Variants in XYLT1 observed in about 807,000 individuals in gnomAD.
XYLT1 encodes the protein xylosyltransferase 1.
In XYLT1, 36 loss-of-function variants were observed where a neutral mutation model predicts 91.3. The ratio of observed to expected loss-of-function variants is 0.39; its 90% CI spans 0.30 to 0.52. The LOEUF is 0.52. Among genes scored for constraint, XYLT1 ranks in the 20% least tolerant of loss-of-function variants. The pLI, the probability that XYLT1 is intolerant of heterozygous loss-of-function variation, is 0.68. For missense variants in XYLT1, 1,242 were observed against 1,284.5 expected, an observed-to-expected ratio of 0.97 and a Z score of 0.51; for synonymous variants, 588 against 532.0, an observed-to-expected ratio of 1.11 and a Z score of -1.45.
At chr16:17,233,832 G>A (rs370990103) in intron 3 of XYLT1, among the ~76,000 whole-genome samples, 4 of 152,280 alleles carry the variant, frequency 2.6e-5, no homozygotes, top group South Asian at 4.1e-4. Flanking sequence ...GCCCCTTGGG[G>A]TATTTTGTGA....
At chr16:17,339,834 TCTTC>T (rs1022161558) in intron 2 of XYLT1, among the ~76,000 whole-genome samples, 1 of 151,806 alleles carries the variant, frequency 6.6e-6, no homozygotes, top group Non-Finnish European at 1.5e-5. Context: ...CCTCCTTCCT[TCTTC>T]CTTCCTTCCC....
chr16:17,248,745 ATTTTTTTTTT>A lies in XYLT1; in HGVS notation c.913+10233_913+10242del, dbSNP rs1045404682. Among the ~76,000 whole-genome samples the A allele has an allele frequency of 2.4e-3, 309 of 127,022 alleles. 4 individuals carry two copies. The highest frequency in any genetic ancestry group is 9.2e-3 in the African/African-American group (302 of 32,880). The allele number at this position is 127,022 out of a possible 152,430, so 83.3% of individuals were successfully genotyped here. A position where few individuals can be genotyped will look rare whatever the true frequency, so the allele number is the denominator to read the frequency against. ...ATTGCTGTTGCAATTTTACATGTGA[ATTTTTTTTTT>A]TTTTTTTTTTGAGATGGAGTCTCGC... On this transcript the variant is annotated intron_variant, in intron 3 of 11. Transcript: ENST00000261381.
At chr16:17,417,300 G>A (rs545474544) in intron 1 of XYLT1, among the ~76,000 whole-genome samples, 1 of 152,254 alleles carries the variant, frequency 6.6e-6, no homozygotes, top group South Asian at 2.1e-4. Context: ...AGAAGCTTGG[G>A]AAATCTGGTC....
At chr16:17,180,749 T>C (rs1395893563) in intron 5 of XYLT1, among the ~76,000 whole-genome samples, 1 of 152,194 alleles carries the variant, frequency 6.6e-6, no homozygotes, top group Non-Finnish European at 1.5e-5. Flanking sequence ...CAAGACTAGA[T>C]TCCAGGTTCT....
intron 2 of XYLT1, among the ~76,000 whole-genome samples, chr16:17,352,690 A>C (rs1169963360): frequency 1.3e-5 from 2 of 152,164 alleles, no homozygotes; most frequent in Non-Finnish European, 2.9e-5. Context: ...GAGATTTTAC[A>C]ACCACCTCCA....
intron 3 of XYLT1, among the ~76,000 whole-genome samples, chr16:17,222,713 C>A (rs995108388): frequency 1.9e-4 from 29 of 151,156 alleles, no homozygotes; most frequent in African/African-American, 7.1e-4. Flanking sequence ...TCAATTGAAC[C>A]CGGGAGGCAG....
chr16:17,413,091 C>T (rs567209140), intron 1 of XYLT1, among the ~76,000 whole-genome samples: 1 of 152,376 alleles, frequency 6.6e-6, no homozygotes, highest in East Asian at 1.9e-4. Context: ...CCATTGTATG[C>T]TCAGTGCCCA....
At chr16:17,177,684 T>C (rs2031975013) in intron 5 of XYLT1, among the ~76,000 whole-genome samples, 1 of 152,148 alleles carries the variant, frequency 6.6e-6, no homozygotes. Flanking sequence ...TCTTCCTGAA[T>C]TAACATTGCA....
intron 1 of XYLT1, among the ~76,000 whole-genome samples, chr16:17,428,967 G>A (rs755182380): frequency 2.0e-5 from 3 of 152,142 alleles, no homozygotes; most frequent in Non-Finnish European, 4.4e-5. Context: ...AGGGCCATTG[G>A]GAAGCTTCCA....
At chr16:17,294,334 G>C (rs1303955907) in intron 2 of XYLT1, among the ~76,000 whole-genome samples, 1 of 152,156 alleles carries the variant, frequency 6.6e-6, no homozygotes, top group Non-Finnish European at 1.5e-5. Context: ...CTCCACATGA[G>C]GGAGAAATGA....
chr16:17,348,370 C>T (rs1313519987), intron 2 of XYLT1, among the ~76,000 whole-genome samples: 2 of 152,076 alleles, frequency 1.3e-5, no homozygotes, highest in Non-Finnish European at 2.9e-5. Context: ...TCCTGGTTTC[C>T]TTCCATGTCA....
At position 17,414,887 on chromosome 16, in the gene XYLT1, G is replaced by T. The variant is rs527916565; in HGVS notation, c.363+55547C>A. Among the ~76,000 whole-genome samples the T allele has an allele frequency of 2.0e-4, 30 of 152,240 alleles. No individual in the cohort carries two copies. In the South Asian group the frequency reaches 5.6e-3, roughly 28 times the overall value. ...AAGCGCATGAATACCCAACGGGGCC[G>T]GCATGTGGTGAGCACTGTGTGGACG... On this transcript the variant is annotated intron_variant, in intron 1 of 11. Transcript: ENST00000261381.
intron 3 of XYLT1, among the ~76,000 whole-genome samples, chr16:17,238,030 G>GT (rs1397497998): frequency 6.6e-6 from 1 of 152,196 alleles, no homozygotes; most frequent in Non-Finnish European, 1.5e-5. Context: ...GAGGGCAGTG[G>GT]TACCTGGCAC....
At chr16:17,256,541 C>A (rs915365702) in intron 3 of XYLT1, among the ~76,000 whole-genome samples, 7 of 151,694 alleles carry the variant, frequency 4.6e-5, no homozygotes, top group African/African-American at 1.7e-4. Flanking sequence ...ATCCCAGTTA[C>A]TCGGGAGGCT....
At chr16:17,375,036 C>G (rs2141877873) in intron 1 of XYLT1, among the ~76,000 whole-genome samples, 1 of 152,272 alleles carries the variant, frequency 6.6e-6, no homozygotes, top group South Asian at 2.1e-4. Flanking sequence ...ACTGGTGGCT[C>G]AACCTGCAAC....
At chr16:17,442,804 G>A (rs756883430) in intron 1 of XYLT1, among the ~76,000 whole-genome samples, 9 of 152,182 alleles carry the variant, frequency 5.9e-5, no homozygotes, top group South Asian at 2.1e-4. Flanking sequence ...AAACAAGATC[G>A]CCTTATTCCT....
intron 2 of XYLT1, among the ~76,000 whole-genome samples, chr16:17,355,700 A>C (rs971982759): frequency 1.3e-5 from 2 of 152,098 alleles, no homozygotes; most frequent in Non-Finnish European, 2.9e-5. Context: ...CAACACCATT[A>C]GTATTTAGGG....
At chr16:17,134,958 T>TAGTAAGCATCATTTCTTAG (rs1311659922) in intron 8 of XYLT1, among the ~76,000 whole-genome samples, 1 of 151,366 alleles carries the variant, frequency 6.6e-6, no homozygotes, top group Non-Finnish European at 1.5e-5. Context: ...GATAGGCACT[T>TAGTAAGCATCATTTCTTAG]AGTAAGCATC....
Position 17,259,278 on chromosome 16 carries a change from A to G in XYLT1, c.623T>C (p.Phe208Ser), listed in dbSNP as rs2033684622. 6.2e-7 allele frequency: 1 copy of G among 1,613,620 alleles called. No individual in the cohort carries two copies. The highest frequency in any genetic ancestry group is 1.3e-5 in the African/African-American group (1 of 74,764). The stretch of plus-strand genomic sequence containing the variant: ...CACCTCACCGGGGCCTTTCCCAGGG[A>G]ATGTATGTCCTTTTCCTTTCTCCTG... ...EQQEKGKGHT[F>S]PGKGPGEVLP... The change falls in exon 3 of 12, where the codon TTC (phenylalanine) becomes TCC (serine). Residue 208 changes from phenylalanine (F) to serine (S), a missense_variant. Around this residue, in one of 3 missense-constraint regions of XYLT1, gnomAD observed 437 missense variants for 411.5 expected, o/e 1.06. Transcript: ENST00000261381.
Sources: allele counts gnomAD v4.1 joint callset (sites outside exome capture counted in the v4.1 genomes callset), GRCh38; gene constraint gnomAD v4.1.1; regional missense constraint gnomAD v4.1.1; transcripts MANE v1.5; gene names NCBI Gene and HGNC (gene_info 2026-07-23, HGNC 2026-07-21).